FSTL4: variants seen among roughly 807,000 people sequenced by gnomAD.
FSTL4 encodes the protein follistatin-related protein 4.
Under a neutral mutation model 78.2 loss-of-function variants are expected in FSTL4, and 28 were observed. The ratio of observed to expected loss-of-function variants is 0.36; its 90% CI spans 0.27 to 0.49. FSTL4 has a LOEUF of 0.49. Among genes scored for constraint, FSTL4 ranks in the 20% least tolerant of loss-of-function variants. The probability of loss-of-function intolerance (pLI) is 0.98; values close to 1 mark genes in which losing one functional copy is unlikely to be tolerated. For missense variants in FSTL4, 922 were observed against 1,084.9 expected (o/e 0.85, Z 2.11); for synonymous variants, 422 against 440.5 (o/e 0.96, Z 0.53).
At chr5:133,248,485 G>C (rs1433522815) in intron 7 of FSTL4, 1 of 152,210 alleles carries the variant, frequency 6.6e-6, no homozygotes, top group African/African-American at 2.4e-5. Flanking sequence ...ACATCACTCT[G>C]TCTTCTCACA....
the FSTL4 span, among the ~76,000 whole-genome samples, chr5:133,626,500 G>A: frequency 6.7e-6 from 1 of 149,920 alleles, no homozygotes; most frequent in Non-Finnish European, 1.5e-5. Flanking sequence ...ACCGCACTTG[G>A]CCCTCTTTTC....
the FSTL4 span, among the ~76,000 whole-genome samples, chr5:133,622,601 T>A: frequency 6.6e-6 from 1 of 152,210 alleles, no homozygotes. Flanking sequence ...GCATTTGGTG[T>A]TGTCACTATT....
At chr5:133,451,844 A>G (rs1757389655) in intron 3 of FSTL4, among the ~76,000 whole-genome samples, 1 of 152,240 alleles carries the variant, frequency 6.6e-6, no homozygotes, top group Admixed American at 6.5e-5. Context: ...TTGTCTGGCA[A>G]CGGATTTGCT....
At chr5:133,239,344 G>C (rs11242147) in intron 7 of FSTL4, among the ~76,000 whole-genome samples, 60,912 of 151,894 alleles carry the variant, frequency 0.4, 14,064 homozygotes, top group South Asian at 0.54. Flanking sequence ...TGAGGAGTGC[G>C]GGCGCACGGC....
chr5:133,619,832 A>G, the FSTL4 span, among the ~76,000 whole-genome samples: 6 of 152,248 alleles, frequency 3.9e-5, no homozygotes, highest in Non-Finnish European at 8.8e-5. Flanking sequence ...ATTTTAAAAT[A>G]GTCTTACCAT....
chr5:133,567,155 A>C, intron 3 of FSTL4, 31 bp downstream of exon 3: 4 of 1,511,754 alleles, frequency 2.6e-6, no homozygotes, highest in Non-Finnish European at 3.7e-6. Context: ...CAACACTGAA[A>C]ATAAAATGGG....
At chr5:133,620,106 TA>T in the FSTL4 span, among the ~76,000 whole-genome samples, 1 of 152,194 alleles carries the variant, frequency 6.6e-6, no homozygotes, top group Non-Finnish European at 1.5e-5. Context: ...ATAGAATGTA[TA>T]CAAAAAAGTG....
At chr5:133,404,845 A>G (rs1327237595) in intron 3 of FSTL4, among the ~76,000 whole-genome samples, 1 of 152,204 alleles carries the variant, frequency 6.6e-6, no homozygotes, top group African/African-American at 2.4e-5. Context: ...CCAAGAGCAC[A>G]GACAGTTGGG....
At chr5:133,550,540 C>T (rs1759671912) in intron 3 of FSTL4, among the ~76,000 whole-genome samples, 1 of 152,178 alleles carries the variant, frequency 6.6e-6, no homozygotes, top group African/African-American at 2.4e-5. Flanking sequence ...ATAGAGCCTA[C>T]TCAGAAGGTG....
chr5:133,617,253 C>T (rs183965928), upstream of FSTL4, among the ~76,000 whole-genome samples: 217 of 136,598 alleles, frequency 1.6e-3, no homozygotes, highest in African/African-American at 5.7e-3. Context: ...GAGCCGAGGT[C>T]GTGCCACTGC....
chr5:133,537,622 C>G (rs1023507005), intron 3 of FSTL4, among the ~76,000 whole-genome samples: 1 of 151,976 alleles, frequency 6.6e-6, no homozygotes, highest in Non-Finnish European at 1.5e-5. Flanking sequence ...ACCTCCAGTG[C>G]AATATTAAAT....
chr5:133,541,213 G>T (rs562170778), intron 3 of FSTL4, among the ~76,000 whole-genome samples: 1 of 152,212 alleles, frequency 6.6e-6, no homozygotes, highest in Non-Finnish European at 1.5e-5. Flanking sequence ...TCTGGGGAGG[G>T]TTCAGCCAGG....
intron 3 of FSTL4, among the ~76,000 whole-genome samples, chr5:133,512,224 T>C (rs1198501308): frequency 6.6e-6 from 1 of 152,238 alleles, no homozygotes; most frequent in African/African-American, 2.4e-5. Flanking sequence ...GCTTCTCACC[T>C]GTGTCCTACC....
At position 133,449,781 on chromosome 5, in the gene FSTL4, T is replaced by C. The variant is rs368483774; in HGVS notation, c.161-48795A>G. ...TCTCCCTTCCAACACCACTGTGCAATTCATTTTCCCTGCGGGTCTTTTAAG... is the reference window on the plus strand; with the variant it reads ...TCTCCCTTCCAACACCACTGTGCAACTCATTTTCCCTGCGGGTCTTTTAAG... On this transcript the variant is annotated intron_variant, in intron 3 of 15. Transcript: ENST00000265342. Among the ~76,000 whole-genome samples, 4 of 152,308 alleles carry C rather than the reference T, an allele frequency of 2.6e-5. No individual in the cohort carries two copies. In the South Asian group the frequency reaches 8.3e-4, roughly 32 times the overall value.
intron 3 of FSTL4, among the ~76,000 whole-genome samples, chr5:133,442,439 A>T (rs1467155853): frequency 6.6e-6 from 1 of 151,990 alleles, no homozygotes; most frequent in Non-Finnish European, 1.5e-5. Context: ...ATTTTTATTG[A>T]GCCTTCTCTT....
chr5:133,258,976 T>G (rs1752448624), intron 6 of FSTL4, among the ~76,000 whole-genome samples: 1 of 152,142 alleles, frequency 6.6e-6, no homozygotes, highest in South Asian at 2.1e-4. Flanking sequence ...GGGAGCTCAC[T>G]CCTTCACTCC....
the FSTL4 span, among the ~76,000 whole-genome samples, chr5:133,687,903 G>A: frequency 4.3e-4 from 66 of 152,240 alleles, 1 homozygote; most frequent in South Asian, 0.012. Context: ...CCATCCCCAG[G>A]GAAGCTGCCT....
the FSTL4 span, among the ~76,000 whole-genome samples, chr5:133,691,264 C>A: frequency 7.2e-5 from 11 of 152,186 alleles, no homozygotes; most frequent in African/African-American, 2.4e-4. Context: ...CCAAAGCATT[C>A]TTTAATGGAT....
At chr5:133,484,432 GAGGA>G (rs1288124784) in intron 3 of FSTL4, among the ~76,000 whole-genome samples, 2 of 152,186 alleles carry the variant, frequency 1.3e-5, no homozygotes, top group Admixed American at 6.5e-5. Flanking sequence ...AGTAGCCCAG[GAGGA>G]AGGAAGAATA....
Sources: allele counts gnomAD v4.1 joint callset (sites outside exome capture counted in the v4.1 genomes callset), GRCh38; gene constraint gnomAD v4.1.1; transcripts MANE v1.5; gene names NCBI Gene and HGNC (gene_info 2026-07-23, HGNC 2026-07-21).